NALF1: variants seen among roughly 807,000 people sequenced by gnomAD.
NALF1 encodes family with sequence similarity 155 member A.
Under a neutral mutation model 48.4 loss-of-function variants are expected in NALF1, and 3 were observed. The observed-to-expected ratio is 0.06, with a 90% CI of 0.03 to 0.16. NALF1 has a LOEUF of 0.16. Among genes scored for constraint, NALF1 ranks in the 10% least tolerant of loss-of-function variants. The probability of loss-of-function intolerance (pLI) is 1.00; values close to 1 mark genes in which losing one functional copy is unlikely to be tolerated. For synonymous variants in NALF1, 262 were observed against 245.7 expected (o/e 1.07, Z -0.62); for missense variants, 526 against 571.5 (o/e 0.92, Z 0.81).
At chr13:107,588,322 T>C (rs1878513199) in intron 1 of NALF1, among the ~76,000 whole-genome samples, 1 of 152,110 alleles carries the variant, frequency 6.6e-6, no homozygotes, top group Non-Finnish European at 1.5e-5. Flanking sequence ...TGATGTAGAA[T>C]TGAACATGGG....
chr13:107,825,444 ATC>A (rs148916112), intron 1 of NALF1, among the ~76,000 whole-genome samples: 1,807 of 152,358 alleles, frequency 0.012, 35 homozygotes, highest in African/African-American at 0.041. Context: ...CGGATGCATA[ATC>A]TGTCATCAGA....
intron 1 of NALF1, among the ~76,000 whole-genome samples, chr13:107,358,912 G>T (rs552429354): frequency 6.6e-6 from 1 of 152,064 alleles, no homozygotes; most frequent in Non-Finnish European, 1.5e-5. Context: ...CCACAAAAGC[G>T]TATTCTGAAA....
intron 1 of NALF1, among the ~76,000 whole-genome samples, chr13:107,406,633 T>C (rs1241659294): frequency 1.3e-5 from 2 of 151,974 alleles, no homozygotes; most frequent in East Asian, 1.9e-4. Flanking sequence ...TCTATTTTGA[T>C]AGAGATTAAT....
chr13:107,726,028 G>C (rs531208961), intron 1 of NALF1, among the ~76,000 whole-genome samples: 1 of 152,180 alleles, frequency 6.6e-6, no homozygotes, highest in South Asian at 2.1e-4. Flanking sequence ...TACTAAGTGG[G>C]GTGGATGGGT....
At chr13:107,490,687 C>A (rs904745994) in intron 1 of NALF1, among the ~76,000 whole-genome samples, 1 of 151,944 alleles carries the variant, frequency 6.6e-6, no homozygotes. Context: ...ATGTAACAAA[C>A]CTGCACATGT....
chr13:107,618,377 G>A (rs896465075), intron 1 of NALF1, among the ~76,000 whole-genome samples: 21 of 152,166 alleles, frequency 1.4e-4, no homozygotes, highest in African/African-American at 4.6e-4. Flanking sequence ...AGAGGGAGAT[G>A]GGGCTAGAAT....
At chr13:107,857,550 G>A (rs141506506) in intron 1 of NALF1, among the ~76,000 whole-genome samples, 3 of 152,232 alleles carry the variant, frequency 2.0e-5, no homozygotes, top group Non-Finnish European at 4.4e-5. Context: ...CTTTGGTTAC[G>A]CACCTATCAG....
At chr13:107,521,959 A>C (rs1876256497) in intron 1 of NALF1, among the ~76,000 whole-genome samples, 1 of 152,064 alleles carries the variant, frequency 6.6e-6, no homozygotes, top group South Asian at 2.1e-4. Flanking sequence ...ACACACACAC[A>C]CAGAAACACA....
chr13:107,381,630 C>T (rs144215521), intron 1 of NALF1, among the ~76,000 whole-genome samples: 2,491 of 151,950 alleles, frequency 0.016, 32 homozygotes, highest in South Asian at 0.045. Flanking sequence ...GAATGATAGA[C>T]GTTGGGGACT....
intron 1 of NALF1, among the ~76,000 whole-genome samples, chr13:107,448,568 G>A (rs1022897847): frequency 3.9e-5 from 6 of 152,102 alleles, no homozygotes; most frequent in Admixed American, 6.6e-5. Flanking sequence ...CAGATTAATG[G>A]TCATATGCAT....
intron 2 of NALF1, 55 bp from the exon 3 acceptor site, chr13:107,170,841 G>C (rs1431908588): frequency 1.3e-6 from 2 of 1,512,252 alleles, no homozygotes; most frequent in Non-Finnish European, 1.8e-6. Context: ...TTGCGACATA[G>C]TAGAGTGAAG....
intron 1 of NALF1, among the ~76,000 whole-genome samples, chr13:107,495,985 A>G (rs1875321527): frequency 6.6e-6 from 1 of 152,188 alleles, no homozygotes; most frequent in Non-Finnish European, 1.5e-5. Flanking sequence ...GTAGGTTATG[A>G]AAAAAACTCA....
intron 1 of NALF1, among the ~76,000 whole-genome samples, chr13:107,545,215 C>T (rs1237837471): frequency 6.6e-6 from 1 of 151,998 alleles, no homozygotes; most frequent in African/African-American, 2.4e-5. Context: ...CAGAGGGAGA[C>T]AATATGGAGA....
intron 1 of NALF1, among the ~76,000 whole-genome samples, chr13:107,234,035 T>C (rs1303627150): frequency 6.6e-6 from 1 of 152,176 alleles, no homozygotes. Context: ...CTGAAAAACC[T>C]TGGATTTTCC....
intron 1 of NALF1, among the ~76,000 whole-genome samples, chr13:107,215,408 C>A (rs1879851950): frequency 6.6e-6 from 1 of 152,102 alleles, no homozygotes; most frequent in Non-Finnish European, 1.5e-5. Context: ...TCACACAGGC[C>A]TGTTTGAAGA....
intron 1 of NALF1, among the ~76,000 whole-genome samples, chr13:107,421,960 G>T (rs1884196070): frequency 6.6e-6 from 1 of 152,122 alleles, no homozygotes; most frequent in African/African-American, 2.4e-5. Context: ...TGTGTTTTCT[G>T]AAGGTGACAG....
intron 1 of NALF1, among the ~76,000 whole-genome samples, chr13:107,732,679 G>A (rs1188018346): frequency 6.6e-6 from 1 of 152,186 alleles, no homozygotes; most frequent in African/African-American, 2.4e-5. Context: ...TACAGGACTA[G>A]AGAAGACAGG....
At chr13:107,209,256 A>C (rs1189518128) in intron 2 of NALF1, among the ~76,000 whole-genome samples, 1 of 152,184 alleles carries the variant, frequency 6.6e-6, no homozygotes, top group Non-Finnish European at 1.5e-5. Flanking sequence ...CTGTAATTCC[A>C]ACACTTTTGG....
intron 1 of NALF1, among the ~76,000 whole-genome samples, chr13:107,324,963 T>C (rs1882323983): frequency 6.6e-6 from 1 of 152,212 alleles, no homozygotes; most frequent in African/African-American, 2.4e-5. Flanking sequence ...ATGATTTATG[T>C]CTATTGCCAC....
Sources: allele counts gnomAD v4.1 joint callset (sites outside exome capture counted in the v4.1 genomes callset), GRCh38; gene constraint gnomAD v4.1.1; transcripts MANE v1.5; gene names NCBI Gene and HGNC (gene_info 2026-07-23, HGNC 2026-07-21).